CELF2: variants seen among roughly 807,000 people sequenced by gnomAD.
CELF2 encodes the protein CUGBP Elav-like family member 2, also known as CUG triplet repeat RNA-binding protein 2.
CELF2 carries 8 observed loss-of-function variants against 62.6 expected under a neutral mutation model. The observed-to-expected ratio is 0.13, with a 90% confidence interval of 0.07 to 0.23. CELF2 has a LOEUF of 0.23. CELF2 is among the 10% of genes least tolerant of loss of function. The pLI is 1.00. For missense variants in CELF2, 333 were observed against 671.0 expected (o/e 0.50, Z 5.56); for synonymous variants, 258 against 250.0 (o/e 1.03, Z -0.30).
chr10:10,797,013 A>T (rs1032157235), upstream of CELF2: 1 of 388,172 alleles, frequency 2.6e-6, no homozygotes. Flanking sequence ...AACAAATCTA[A>T]ACAGAGGGTT....
chr10:11,313,056 A>G (rs146743902), intron 9 of CELF2, among the ~76,000 whole-genome samples: 1 of 152,250 alleles, frequency 6.6e-6, no homozygotes, highest in East Asian at 1.9e-4. Context: ...CTGTCTGTGT[A>G]TTAGAGATGT....
At chr10:10,693,922 C>A in the CELF2 span, among the ~76,000 whole-genome samples, 1 of 151,830 alleles carries the variant, frequency 6.6e-6, no homozygotes, top group Non-Finnish European at 1.5e-5. Flanking sequence ...ATTAGTCTTG[C>A]TAGCAATCTA....
At chr10:10,734,566 A>G in the CELF2 span, among the ~76,000 whole-genome samples, 2 of 152,138 alleles carry the variant, frequency 1.3e-5, no homozygotes, top group Non-Finnish European at 2.9e-5. Flanking sequence ...CAAATACTCA[A>G]CTGTGCACAG....
chr10:11,103,392 C>T (rs1161433166), intron 1 of CELF2, among the ~76,000 whole-genome samples: 2 of 149,342 alleles, frequency 1.3e-5, no homozygotes, highest in Non-Finnish European at 3.0e-5. Context: ...TTTTCACTTA[C>T]ATTTTTATTA....
intron 9 of CELF2, among the ~76,000 whole-genome samples, chr10:11,307,495 G>T (rs36090777): frequency 3.9e-5 from 6 of 152,164 alleles, no homozygotes; most frequent in Non-Finnish European, 7.4e-5. Context: ...ATATCATTTT[G>T]TCTGTTCTGT....
At chr10:11,294,843 A>G (rs2092967843) in intron 9 of CELF2, among the ~76,000 whole-genome samples, 1 of 152,316 alleles carries the variant, frequency 6.6e-6, no homozygotes, top group South Asian at 2.1e-4. Context: ...TCCAGGCGGC[A>G]GAGGCTGCAG....
chr10:11,044,608 A>C (rs2062475842), intron 1 of CELF2, among the ~76,000 whole-genome samples: 1 of 152,192 alleles, frequency 6.6e-6, no homozygotes, highest in Non-Finnish European at 1.5e-5. Flanking sequence ...TATGATGGTA[A>C]TATTGTCATT....
At chr10:10,989,303 C>T (rs2053170873) in intron 2 of CELF2, among the ~76,000 whole-genome samples, 2 of 152,070 alleles carry the variant, frequency 1.3e-5, no homozygotes, top group Non-Finnish European at 2.9e-5. Context: ...AAGCATAATG[C>T]TAAGAGTAAC....
At chr10:10,678,686 G>A in the CELF2 span, among the ~76,000 whole-genome samples, 1 of 152,160 alleles carries the variant, frequency 6.6e-6, no homozygotes, top group Admixed American at 6.5e-5. Flanking sequence ...TTTTGCTTGT[G>A]ATCAATCCAT....
chr10:10,907,374 A>T (rs1024653497), intron 1 of CELF2, among the ~76,000 whole-genome samples: 2 of 152,214 alleles, frequency 1.3e-5, no homozygotes, highest in African/African-American at 4.8e-5. Context: ...CGTTATAAGG[A>T]TGTATAATTA....
upstream of CELF2, chr10:10,798,540 G>T (rs2054304549): frequency 2.6e-6 from 1 of 388,356 alleles, no homozygotes; most frequent in South Asian, 1.4e-4. Context: ...CAGATTACCG[G>T]GGCTTTAAAA....
intron 1 of CELF2, among the ~76,000 whole-genome samples, chr10:11,135,588 A>G (rs952862588): frequency 1.3e-5 from 2 of 152,240 alleles, no homozygotes; most frequent in African/African-American, 4.8e-5. Context: ...TGTCTTCTAA[A>G]TAGCCACCGT....
In CELF2 at chr10:10,869,124, T is replaced by C. The variant is rs932578309; in HGVS notation, c.54-50840T>C. 2.6e-5 allele frequency among the ~76,000 whole-genome samples: 4 copies of C among 152,168 alleles called. No homozygotes were observed. In the East Asian group the frequency reaches 7.7e-4, roughly 29 times the overall value. On this transcript the variant is annotated intron_variant, in intron 1 of 13. Coordinates refer to the CELF2 transcript ENST00000636488. ...TTAATAGTAACATGATGTAATAAACTGGACTCTTAACTTGGATATTGGAGG... is the reference window on the plus strand; with the variant it reads ...TTAATAGTAACATGATGTAATAAACCGGACTCTTAACTTGGATATTGGAGG...
rs75946824 is a variant in CELF2 at position 10,938,630 on chromosome 10, T to C, written c.89+18631T>C. Among the ~76,000 whole-genome samples the C allele has an allele frequency of 0.02, 3,009 of 152,304 alleles. 102 individuals are homozygous for C. The highest frequency in any genetic ancestry group is 0.069 in the African/African-American group (2,871 of 41,550). On this transcript the variant is annotated intron_variant, in intron 2 of 13. Coordinates refer to the CELF2 transcript ENST00000636488. The surrounding 1 kb of genome is among the most constrained non-coding windows in gnomAD (Gnocchi z 4.2). ...TTGTATGACAATTTGGAGGTCCTTTTCTTTGTCTCCCAAGTGAGTTTGTAG... is the reference window on the plus strand; with the variant it reads ...TTGTATGACAATTTGGAGGTCCTTTCCTTTGTCTCCCAAGTGAGTTTGTAG...
At chr10:10,559,580 C>A in the CELF2 span, among the ~76,000 whole-genome samples, 14 of 152,100 alleles carry the variant, frequency 9.2e-5, no homozygotes, top group Non-Finnish European at 1.8e-4. Flanking sequence ...ACTTAAGCAC[C>A]AGCAGTGATC....
In CELF2 at chr10:11,332,706, A is replaced by C. The variant is rs1359895098; in HGVS notation, c.*3653A>C. 2 of 151,814 alleles carry C rather than the reference A, an allele frequency of 1.3e-5. No individual in the cohort carries two copies. Among genetic ancestry groups the C allele is most frequent in the Non-Finnish European group, 2.9e-5 (2 of 68,052 alleles). The allele number at this position is 151,814 out of a possible 1,614,324, so 9.4% of individuals were successfully genotyped here. On this transcript the variant is annotated 3_prime_UTR_variant, in exon 13 of 13. Transcript: ENST00000633077. ...GTTAGGATCAGTGTGTGTGGATGGG[A>C]TAGCCCTGGGATGGAAAGGACTAGC...
intron 1 of CELF2, among the ~76,000 whole-genome samples, chr10:11,109,004 A>AGT (rs1491544396): frequency 2.6e-5 from 4 of 152,184 alleles, no homozygotes; most frequent in Non-Finnish European, 5.9e-5. Context: ...CAGATCTGTC[A>AGT]GTGTGTACTC....
At chr10:10,746,032 T>C in the CELF2 span, among the ~76,000 whole-genome samples, 1 of 152,266 alleles carries the variant, frequency 6.6e-6, no homozygotes. Flanking sequence ...GCTTAGCTTC[T>C]GCCTTTGTCA....
intron 1 of CELF2, among the ~76,000 whole-genome samples, chr10:11,032,066 A>G (rs1447902025): frequency 6.7e-6 from 1 of 148,520 alleles, no homozygotes; most frequent in Non-Finnish European, 1.5e-5. Flanking sequence ...GTTGAGGTGC[A>G]TGCCTTCTTG....
Sources: gnomAD v4.1 joint callset for allele counts (sites outside exome capture counted in the v4.1 genomes callset) on GRCh38, gnomAD v4.1.1 for gene constraint, Gnocchi (gnomAD v3.1) non-coding constraint, MANE v1.5 for transcripts, NCBI Gene and HGNC (gene_info 2026-07-23, HGNC 2026-07-21) for gene names.